The following SLC9A7 variants were observed in gnomAD, a reference collection of about 807,000 sequenced individuals.
The protein encoded by SLC9A7 is solute carrier family 9 member A7.
A neutral mutation model predicts 52.6 loss-of-function variants in SLC9A7; 19 were observed. The observed-to-expected ratio is 0.36, with a 90% CI of 0.25 to 0.53. The LOEUF is 0.53. SLC9A7 is among the 20% of genes least tolerant of loss of function. The pLI is 0.91. For missense variants in SLC9A7, 455 were observed against 597.9 expected (o/e 0.76, Z 2.49); for synonymous variants, 226 against 252.1 (o/e 0.90, Z 0.98).
intron 1 of SLC9A7, among the ~76,000 whole-genome samples, chrX:46,703,996 A>G (rs1944569247): frequency 9.0e-6 from 1 of 111,696 alleles, no homozygotes; most frequent in African/African-American, 3.3e-5. Context: ...TGTACAATAT[A>G]TATTTCCTAT....
chrX:46,725,456 C>T, intron 1 of SLC9A7: 1 of 1,071,597 alleles, frequency 9.3e-7, no homozygotes, highest in East Asian at 3.0e-5. Context: ...TTTTCACTTG[C>T]TTGTGTGCCT....
At chrX:46,647,925 C>T (rs1398257456) in intron 11 of SLC9A7, among the ~76,000 whole-genome samples, 1 of 112,485 alleles carries the variant, frequency 8.9e-6, no homozygotes, top group Non-Finnish European at 1.9e-5. Context: ...ACTAACTTCT[C>T]CTCCCTCTGT....
chrX:46,676,909 G>C (rs781571210), intron 3 of SLC9A7, among the ~76,000 whole-genome samples: 7 of 111,356 alleles, frequency 6.3e-5, no homozygotes, highest in Non-Finnish European at 1.1e-4. Context: ...GTATCACCTT[G>C]ACTCAGTCCC....
chrX:46,661,954 T>C (rs980605623), intron 7 of SLC9A7, 62 bp downstream of exon 7: 8 of 1,023,674 alleles, frequency 7.8e-6, no homozygotes, highest in Non-Finnish European at 1.0e-5. Flanking sequence ...AGAACTTTCT[T>C]TTTGAAAGTG....
chrX:46,606,318 T>C lies in SLC9A7; in HGVS notation c.*634A>G. The C allele has an allele frequency of 1.3e-6, 1 of 752,611 alleles. No homozygotes were observed. The highest frequency in any genetic ancestry group is 1.6e-6 in the Non-Finnish European group (1 of 637,531). The allele number at this position is 752,611 out of a possible 1,213,427, so 62.0% of individuals were successfully genotyped here. A position where few individuals can be genotyped will look rare whatever the true frequency, so the allele number is the denominator to read the frequency against. On this transcript the variant is annotated 3_prime_UTR_variant, in exon 17 of 17. Coordinates refer to ENST00000616978, the MANE Select transcript of SLC9A7 (RefSeq NM_001257291.2). ...ATGGATATAGCCAGAGAAGGAACTA[T>C]AATTCTTCGTTCCATGTTGAAATGT...
At chrX:46,741,118 T>C (rs776440912) in intron 1 of SLC9A7, among the ~76,000 whole-genome samples, 52 of 112,080 alleles carry the variant, frequency 4.6e-4, no homozygotes, top group Non-Finnish European at 8.3e-4. Flanking sequence ...ATTGAAACTA[T>C]AAAACATTTT....
chrX:46,606,695 T>C lies in SLC9A7; in HGVS notation c.*257A>G, dbSNP rs1437377671. 9.6e-7 allele frequency: 1 copy of C among 1,037,765 alleles called. No individual in the cohort carries two copies. The highest frequency in any genetic ancestry group is 1.2e-6 in the Non-Finnish European group (1 of 813,604). 85.5% of individuals were successfully genotyped at this position (1,037,765 alleles called of 1,213,427 possible). On this transcript the variant is annotated 3_prime_UTR_variant, in exon 17 of 17. Transcript: ENST00000616978. ...CATTAAAGCATGCTATTTTTTTTTG[T>C]TTGTTTAACTCTGAAACAGCGCACT...
intron 1 of SLC9A7, among the ~76,000 whole-genome samples, chrX:46,741,889 C>T (rs1265396384): frequency 9.2e-6 from 1 of 109,099 alleles, no homozygotes; most frequent in Non-Finnish European, 1.9e-5. Flanking sequence ...TTGCAAATTA[C>T]ACATCTAATG....
chrX:46,608,509 A>G (rs774262612), intron 16 of SLC9A7, among the ~76,000 whole-genome samples: 1 of 112,499 alleles, frequency 8.9e-6, no homozygotes, highest in Non-Finnish European at 1.9e-5. Context: ...CAAATGCCCA[A>G]TGAGATAAAA....
intron 3 of SLC9A7, 138 bp downstream of exon 3, chrX:46,679,540 G>T: frequency 2.3e-6 from 1 of 442,683 alleles, no homozygotes; most frequent in Non-Finnish European, 3.8e-6. Context: ...TCATTGATGA[G>T]AAGTCAACTA....
At chrX:46,709,365 CCACTG>C (rs914413636) in intron 1 of SLC9A7, among the ~76,000 whole-genome samples, 21 of 111,062 alleles carry the variant, frequency 1.9e-4, no homozygotes, top group African/African-American at 6.6e-4. Flanking sequence ...TGAGATCACA[CCACTG>C]CACTCCAGCA....
At chrX:46,745,663 A>C (rs1403058988) in intron 1 of SLC9A7, among the ~76,000 whole-genome samples, 1 of 110,760 alleles carries the variant, frequency 9.0e-6, no homozygotes, top group African/African-American at 3.3e-5. Flanking sequence ...GCAACATAGT[A>C]AGCACTTGTC....
chrX:46,641,807 GT>G (rs1943410254), intron 12 of SLC9A7, among the ~76,000 whole-genome samples: 1 of 111,813 alleles, frequency 8.9e-6, no homozygotes, highest in Non-Finnish European at 1.9e-5. Flanking sequence ...TTAAAGCTCT[GT>G]GACCTTGGGC....
intron 5 of SLC9A7, among the ~76,000 whole-genome samples, chrX:46,665,562 A>AAAAAAAAAAAAAAAAAAAG (rs1569513654): frequency 1.8e-4 from 19 of 105,715 alleles, no homozygotes; most frequent in East Asian, 6.4e-4. Context: ...CATCTCAAAA[A>AAAAAAAAAAAAAAAAAAAG]AAAAAAAAAA....
At chrX:46,693,124 C>T (rs1420378865) in intron 1 of SLC9A7, among the ~76,000 whole-genome samples, 1 of 111,802 alleles carries the variant, frequency 8.9e-6, no homozygotes, top group African/African-American at 3.2e-5. Flanking sequence ...GAGAAACATC[C>T]CATATTCATA....
At chrX:46,706,225 G>A (rs758117007) in intron 1 of SLC9A7, among the ~76,000 whole-genome samples, 69 of 99,448 alleles carry the variant, frequency 6.9e-4, no homozygotes, top group African/African-American at 2.5e-3. Flanking sequence ...AAGTAGTTGC[G>A]GCTTTTGCCA....
intron 4 of SLC9A7, among the ~76,000 whole-genome samples, chrX:46,671,885 C>T (rs767778382): frequency 8.9e-6 from 1 of 111,978 alleles, no homozygotes; most frequent in African/African-American, 3.2e-5. Context: ...GAAGTCACTA[C>T]GCACAGCCCA....
intron 1 of SLC9A7, among the ~76,000 whole-genome samples, chrX:46,683,357 G>A (rs977479882): frequency 3.6e-5 from 4 of 111,137 alleles, no homozygotes; most frequent in African/African-American, 1.3e-4. Flanking sequence ...CAGAGGAAAG[G>A]GGAGAAAAAA....
rs1156917779 is a variant in SLC9A7, at chrX:46,631,591, G to C, written c.1735C>G (p.Gln579Glu). The C allele has an allele frequency of 1.1e-5, 13 of 1,206,975 alleles. No individual in the cohort carries two copies. Among genetic ancestry groups the C allele is most frequent in the African/African-American group, 3.5e-5 (2 of 57,163 alleles). ...AAGCATCTCTTGTGACTTACCCCTT[G>C]TAAGACTTGAAAGCTGTCGTTGTTG... is the stretch of plus-strand genomic sequence containing the variant. ...PPNNDSFQVL[Q>E]GDGPDSARGN... Residue 579 changes from glutamine (Q) to glutamate (E), a missense_variant, in exon 14 of 17, where the codon CAA becomes GAA. Physicochemically the swap from Gln to Glu is conservative, Grantham distance 29. This residue lies in a region of SLC9A7 where 146 missense variants were observed against 160.5 expected (regional missense o/e 0.91). Transcript: ENST00000616978.
Sources: gnomAD v4.1 joint callset for allele counts (sites outside exome capture counted in the v4.1 genomes callset) on GRCh38, gnomAD v4.1.1 for gene constraint, gnomAD v4.1.1 regional missense constraint, MANE v1.5 for transcripts, NCBI Gene and HGNC (gene_info 2026-07-23, HGNC 2026-07-21) for gene names.